KIF20B: variants seen among roughly 807,000 people sequenced by gnomAD.
The protein encoded by KIF20B is kinesin-like protein KIF20B.
In KIF20B, 188 loss-of-function variants were observed where a neutral mutation model predicts 232.5. The ratio of observed to expected loss-of-function variants is 0.81; its 90% CI spans 0.72 to 0.91. The LOEUF is 0.91. KIF20B is among the 40% of genes least tolerant of loss of function. The pLI, the probability that KIF20B is intolerant of heterozygous loss-of-function variation, is 0.00. For missense variants in KIF20B, 2,154 were observed against 2,055.9 expected (o/e 1.05, Z -0.92); for synonymous variants, 712 against 683.0 (o/e 1.04, Z -0.66).
intron 16 of KIF20B, among the ~76,000 whole-genome samples, chr10:89,727,577 T>G (rs900244550): frequency 6.6e-6 from 1 of 152,238 alleles, no homozygotes; most frequent in African/African-American, 2.4e-5. Flanking sequence ...CACTAGCTCC[T>G]TTTCTTCTCT....
chr10:89,721,769 A>G lies in KIF20B; in HGVS notation c.1722+2063A>G, dbSNP rs112547944. ...TTAGTAAAATTTCTGAAATTACTAG[A>G]GAAAAATATTTAATGCTATAGTTTA... is the stretch of plus-strand genomic sequence containing the variant. On this transcript the variant is annotated intron_variant, in intron 13 of 32. Transcript: ENST00000371728. Among the ~76,000 whole-genome samples the G allele has an allele frequency of 4.6e-3, 697 of 152,256 alleles. 5 individuals carry two copies. Among genetic ancestry groups the G allele is most frequent in the African/African-American group, 0.015 (641 of 41,554 alleles).
chr10:89,720,574 T>A (rs962945023), intron 13 of KIF20B, among the ~76,000 whole-genome samples: 3 of 152,228 alleles, frequency 2.0e-5, no homozygotes, highest in African/African-American at 7.2e-5. Flanking sequence ...GTACAAGTGT[T>A]AAAAATATCT....
In KIF20B at chr10:89,754,598, A is replaced by G. The variant is rs1348527603; in HGVS notation, c.4428A>G (p.Ala1476=). The G allele has an allele frequency of 6.2e-7, 1 of 1,607,476 alleles. No homozygotes were observed. The highest frequency in any genetic ancestry group is 1.7e-5 in the Admixed American group (1 of 59,146). The part of the protein sequence containing the change: ...KMMLITQAKE[A]ENIRNKEMKK... ...TGCTTATCACTCAAGCGAAAGAAGC[A>G]GAGAATATACGAAATAAAGAGATGA... The change falls in exon 26 of 33, where the codon GCA becomes GCG. Residue 1476 remains alanine (A), a synonymous_variant. Transcript: ENST00000371728.
At chr10:89,739,204 A>C in intron 21 of KIF20B, 108 bp downstream of exon 21, 1 of 1,226,668 alleles carries the variant, frequency 8.2e-7, no homozygotes, top group South Asian at 1.5e-5. Context: ...TATCCACTTT[A>C]TAATTTTTCT....
intron 23 of KIF20B, among the ~76,000 whole-genome samples, chr10:89,748,348 T>C (rs1018384726): frequency 6.6e-6 from 1 of 152,198 alleles, no homozygotes; most frequent in African/African-American, 2.4e-5. Flanking sequence ...TTTCTGTTTT[T>C]AAAATGATAC....
chr10:89,767,655 G>T (rs1200526053), intron 29 of KIF20B, among the ~76,000 whole-genome samples: 1 of 152,008 alleles, frequency 6.6e-6, no homozygotes, highest in African/African-American at 2.4e-5. Context: ...CCTATGTGAG[G>T]TTATTTGGGG....
rs551148678 is a variant in KIF20B, at chr10:89,710,889, C to T, written c.491-72C>T. ...TTGCCTATTGGTAGTATAAAAGGAGCTTTAATAAACAAGTAAAGTTTCCTC... is the reference window on the plus strand; with the variant it reads ...TTGCCTATTGGTAGTATAAAAGGAGTTTTAATAAACAAGTAAAGTTTCCTC... On this transcript the variant is annotated intron_variant, in intron 5 of 32. Transcript: ENST00000371728. 1.5e-5 allele frequency: 18 copies of T among 1,227,900 alleles called. No individual in the cohort carries two copies. The South Asian group carries it at 2.6e-4, about 18-fold the overall frequency. 76.1% of individuals were successfully genotyped at this position (1,227,900 alleles called of 1,614,324 possible).
chr10:89,735,846 G>C (rs865820553), intron 19 of KIF20B, among the ~76,000 whole-genome samples: 2 of 152,046 alleles, frequency 1.3e-5, no homozygotes, highest in African/African-American at 4.8e-5. Context: ...CCAGAAAGTA[G>C]TAGGTTTCTT....
chr10:89,717,386 TA>T, intron 9 of KIF20B, 37 bp from the exon 10 acceptor site: 1 of 1,309,702 alleles, frequency 7.6e-7, no homozygotes, highest in Non-Finnish European at 1.1e-6. Flanking sequence ...ATGCAGAAAT[TA>T]AAAATGATAA....
chr10:89,727,565 A>G (rs1843217571), intron 16 of KIF20B, among the ~76,000 whole-genome samples: 1 of 152,266 alleles, frequency 6.6e-6, no homozygotes, highest in African/African-American at 2.4e-5. Context: ...GTACTTAAAA[A>G]GCACTAGCTC....
chr10:89,770,352 A>T (rs1287804862), intron 31 of KIF20B, among the ~76,000 whole-genome samples: 1 of 152,074 alleles, frequency 6.6e-6, no homozygotes, highest in Non-Finnish European at 1.5e-5. Context: ...TGTACATTTA[A>T]AAAATGTGTT....
At chr10:89,767,719 A>G (rs1276113203) in intron 29 of KIF20B, among the ~76,000 whole-genome samples, 1 of 152,032 alleles carries the variant, frequency 6.6e-6, no homozygotes, top group Non-Finnish European at 1.5e-5. Flanking sequence ...ATAATATTTT[A>G]AAAGTTTTAA....
intron 24 of KIF20B, among the ~76,000 whole-genome samples, chr10:89,751,892 T>C (rs896686654): frequency 1.3e-5 from 2 of 152,030 alleles, no homozygotes; most frequent in African/African-American, 4.8e-5. Context: ...TAACATTTAC[T>C]AATAAAAATG....
chr10:89,737,984 A>G lies in KIF20B; in HGVS notation c.3143A>G (p.Asn1048Ser), dbSNP rs774047998. ...QVKEYRIQEP[N>S]RENSFHSSIE... ...AAAGAATATCGAATTCAAGAACCCA[A>G]TAGGGAAAATTCTTTCCACTCTAGT... Residue 1048 changes from asparagine to serine, a missense_variant, in exon 20 of 33, where the codon AAT (asparagine) becomes AGT (serine). Physicochemically the swap from Asn to Ser is conservative, Grantham distance 46. Transcript: ENST00000371728. 7 of 1,613,094 alleles carry G rather than the reference A, an allele frequency of 4.3e-6. No homozygotes were observed. The highest frequency in any genetic ancestry group is 3.3e-5 in the Admixed American group (2 of 59,966).
At chr10:89,746,963 A>C (rs1841924574) in intron 23 of KIF20B, among the ~76,000 whole-genome samples, 1 of 152,260 alleles carries the variant, frequency 6.6e-6, no homozygotes, top group African/African-American at 2.4e-5. Context: ...GTATTTTGTG[A>C]AAAATAAAGC....
chr10:89,764,249 G>T (rs1266207880), intron 29 of KIF20B, among the ~76,000 whole-genome samples: 6 of 151,836 alleles, frequency 4.0e-5, no homozygotes, highest in Admixed American at 3.9e-4. Context: ...TGGCTGCATG[G>T]TATTCCATGG....
intron 22 of KIF20B, among the ~76,000 whole-genome samples, chr10:89,745,011 A>T (rs959115606): frequency 6.6e-6 from 1 of 152,114 alleles, no homozygotes; most frequent in African/African-American, 2.4e-5. Flanking sequence ...ATTTTTTTCC[A>T]ATCTTGCAGC....
intron 19 of KIF20B, among the ~76,000 whole-genome samples, chr10:89,734,698 T>C (rs901473585): frequency 3.0e-4 from 46 of 152,176 alleles, no homozygotes; most frequent in African/African-American, 1.1e-3. Flanking sequence ...GTGCATCCCA[T>C]GGGCTATCAT....
intron 14 of KIF20B, 54 bp downstream of exon 14, chr10:89,724,157 T>C (rs1843126340): frequency 7.1e-7 from 1 of 1,403,776 alleles, no homozygotes; most frequent in Non-Finnish European, 9.3e-7. Flanking sequence ...TTTAGTTTTT[T>C]AGTTTTTTTT....
Sources: gnomAD v4.1 joint callset for allele counts (sites outside exome capture counted in the v4.1 genomes callset) on GRCh38, gnomAD v4.1.1 for gene constraint, MANE v1.5 for transcripts, NCBI Gene and HGNC (gene_info 2026-07-23, HGNC 2026-07-21) for gene names.